Variants in DNAH14 observed in about 807,000 individuals in gnomAD.
DNAH14 encodes the protein dynein axonemal heavy chain 14, also known as axonemal beta dynein heavy chain 14.
In DNAH14, 478 loss-of-function variants were observed where a neutral mutation model predicts 520.9. The ratio of observed to expected loss-of-function variants is 0.92; its 90% CI spans 0.85 to 0.99. DNAH14 has a LOEUF of 0.99. Among genes scored for constraint, DNAH14 ranks in the 50% least tolerant of loss-of-function variants. The probability of loss-of-function intolerance (pLI) is 0.00; values close to 1 mark genes in which losing one functional copy is unlikely to be tolerated. For synonymous variants in DNAH14, 1,581 were observed against 1,757.2 expected (o/e 0.90, Z 2.51); for missense variants, 4,831 against 5,234.5 (o/e 0.92, Z 2.38).
intron 54 of DNAH14, among the ~76,000 whole-genome samples, chr1:225,280,420 A>G (rs528170296): frequency 2.2e-4 from 34 of 152,236 alleles, no homozygotes; most frequent in African/African-American, 6.7e-4. Flanking sequence ...TAACATGGTG[A>G]AACCCCATCT....
chr1:224,959,604 C>T (rs1178155942), intron 3 of DNAH14, among the ~76,000 whole-genome samples: 1 of 152,048 alleles, frequency 6.6e-6, no homozygotes, highest in Non-Finnish European at 1.5e-5. Flanking sequence ...GTTAAGTCTA[C>T]CAATTAGGTA....
chr1:225,338,195 A>G lies in DNAH14; in HGVS notation c.10433+13A>G. 1 of 1,551,896 alleles carries G rather than the reference A, an allele frequency of 6.4e-7. No homozygotes were observed. Among genetic ancestry groups the G allele is most frequent in the Non-Finnish European group, 8.7e-7 (1 of 1,146,968 alleles). On this transcript the variant is annotated intron_variant, in intron 68 of 85. Coordinates refer to ENST00000682510, the MANE Select transcript of DNAH14 (RefSeq NM_001367479.1). ...ATTCAAATTTTAGGTAATGTGCCACAGCTAAATTGAGTCAAATGTCTATGC... is the reference window on the plus strand; with the variant it reads ...ATTCAAATTTTAGGTAATGTGCCACGGCTAAATTGAGTCAAATGTCTATGC...
chr1:225,147,174 T>C lies in DNAH14; in HGVS notation c.4865T>C (p.Ile1622Thr), dbSNP rs1337487499. Residue 1622 changes from isoleucine to threonine, a missense_variant, in exon 31 of 86, where the codon ATT (isoleucine) becomes ACT (threonine). Transcript: ENST00000682510. The part of the protein sequence containing the change: ...AWSCFDEFNL[I>T]DLEVLSVIAS... ...AGTTGTTTTGATGAATTCAATCTAA[T>C]TGATTTGGAAGTTCTCTCTGTCATT... is the stretch of plus-strand genomic sequence containing the variant. 23 of 1,550,924 alleles carry C rather than the reference T, an allele frequency of 1.5e-5. No homozygotes were observed. Among genetic ancestry groups the C allele is most frequent in the Non-Finnish European group, 1.9e-5 (22 of 1,146,696 alleles).
At chr1:225,353,085 T>A (rs1049945014) in intron 72 of DNAH14, among the ~76,000 whole-genome samples, 1 of 152,072 alleles carries the variant, frequency 6.6e-6, no homozygotes, top group African/African-American at 2.4e-5. Flanking sequence ...GAACTTTTTT[T>A]AAGATCAACA....
chr1:225,206,837 C>A, intron 40 of DNAH14, 131 bp from the exon 41 acceptor site: 1 of 789,748 alleles, frequency 1.3e-6, no homozygotes, highest in Non-Finnish European at 1.9e-6. Context: ...GATCATTTGC[C>A]CTTTAATGAA....
intron 10 of DNAH14, among the ~76,000 whole-genome samples, chr1:225,014,206 A>T (rs950840699): frequency 1.3e-5 from 2 of 152,086 alleles, no homozygotes; most frequent in African/African-American, 4.8e-5. Context: ...TGGCTAGCGG[A>T]GGGAGTTCCC....
intron 81 of DNAH14, among the ~76,000 whole-genome samples, chr1:225,383,832 C>A (rs1302237450): frequency 6.6e-6 from 1 of 152,150 alleles, no homozygotes; most frequent in Non-Finnish European, 1.5e-5. Flanking sequence ...TGTAATATTA[C>A]AGTGTCAATT....
chr1:225,040,783 T>C (rs2067406542), intron 12 of DNAH14, among the ~76,000 whole-genome samples: 1 of 152,250 alleles, frequency 6.6e-6, no homozygotes, highest in Non-Finnish European at 1.5e-5. Context: ...CTGTATTGAG[T>C]AATATAAAAT....
intron 27 of DNAH14, among the ~76,000 whole-genome samples, chr1:225,124,416 T>C (rs2077532815): frequency 6.6e-6 from 1 of 152,246 alleles, no homozygotes; most frequent in Non-Finnish European, 1.5e-5. Flanking sequence ...CTGCCGCTGC[T>C]TTATCAACTA....
chr1:225,175,182 G>A (rs775562637), intron 36 of DNAH14, among the ~76,000 whole-genome samples: 3 of 152,152 alleles, frequency 2.0e-5, no homozygotes, highest in Non-Finnish European at 4.4e-5. Flanking sequence ...AGTAATGCCA[G>A]CTTCATAGAA....
chr1:225,134,800 A>G (rs1043948307), intron 27 of DNAH14, among the ~76,000 whole-genome samples: 1 of 151,972 alleles, frequency 6.6e-6, no homozygotes, highest in Non-Finnish European at 1.5e-5. Context: ...TAGAAATAGT[A>G]CCAGCTTCTC....
intron 7 of DNAH14, among the ~76,000 whole-genome samples, chr1:224,973,474 T>C (rs2061625569): frequency 6.6e-6 from 1 of 152,202 alleles, no homozygotes; most frequent in African/African-American, 2.4e-5. Context: ...GTGCATAATA[T>C]AGGTGGCCAT....
At chr1:225,295,297 G>A (rs187117609) in intron 55 of DNAH14, among the ~76,000 whole-genome samples, 16 of 151,830 alleles carry the variant, frequency 1.1e-4, no homozygotes, top group Admixed American at 3.3e-4. Flanking sequence ...ACTAATTTTG[G>A]GTTCGTTTGT....
At position 225,335,356 on chromosome 1, in the gene DNAH14, TATACAC is replaced by T. The variant is rs2094932441; in HGVS notation, c.10080+1851_10080+1856del. Among the ~76,000 whole-genome samples the T allele has an allele frequency of 4.9e-5, 3 of 61,790 alleles. 1 individual carries two copies. The allele number at this position is 61,790 out of a possible 152,430, so 40.5% of individuals were successfully genotyped here. A position where few individuals can be genotyped will look rare whatever the true frequency, so the allele number is the denominator to read the frequency against. On this transcript the variant is annotated intron_variant, in intron 66 of 85. Coordinates refer to ENST00000682510, the MANE Select transcript of DNAH14 (RefSeq NM_001367479.1). ...GTGTGTACATGTGTGTGTATATGCA[TATACAC>T]GTGTACATGTGTGTGTATATGCACA...
At chr1:224,950,151 T>C (rs1335713577) in intron 1 of DNAH14, among the ~76,000 whole-genome samples, 5 of 152,194 alleles carry the variant, frequency 3.3e-5, no homozygotes, top group African/African-American at 1.2e-4. Flanking sequence ...ACTATCTCAA[T>C]ATAAGTATAG....
At chr1:225,289,511 T>C (rs2093818167) in intron 54 of DNAH14, among the ~76,000 whole-genome samples, 1 of 152,132 alleles carries the variant, frequency 6.6e-6, no homozygotes, top group African/African-American at 2.4e-5. Flanking sequence ...ATTAAGTACC[T>C]ATTGCTCAAA....
At chr1:225,141,484 C>T (rs538457495) in intron 28 of DNAH14, among the ~76,000 whole-genome samples, 2 of 30,404 alleles carry the variant, frequency 6.6e-5, no homozygotes, top group Non-Finnish European at 1.5e-4. Flanking sequence ...TGGGCGGGGG[C>T]GGGGGCGGTC....
intron 27 of DNAH14, among the ~76,000 whole-genome samples, chr1:225,138,540 A>G (rs1294394149): frequency 6.6e-6 from 1 of 152,130 alleles, no homozygotes; most frequent in Admixed American, 6.6e-5. Context: ...CTGGGGCTGG[A>G]GCATGCAAAA....
At chr1:225,106,106 G>C (rs539448635) in intron 23 of DNAH14, among the ~76,000 whole-genome samples, 256 of 148,998 alleles carry the variant, frequency 1.7e-3, no homozygotes, top group Admixed American at 2.8e-3. Context: ...GCATTTGCTT[G>C]TCTGTAAAGG....
Sources: gnomAD v4.1 joint callset for allele counts (sites outside exome capture counted in the v4.1 genomes callset) on GRCh38, gnomAD v4.1.1 for gene constraint, MANE v1.5 for transcripts, NCBI Gene and HGNC (gene_info 2026-07-23, HGNC 2026-07-21) for gene names.